GRIN2D: variants seen among roughly 807,000 people sequenced by gnomAD.
GRIN2D encodes the protein glutamate receptor ionotropic, NMDA 2D.
In GRIN2D, 37 loss-of-function variants were observed where a neutral mutation model predicts 103.2. The ratio of observed to expected loss-of-function variants is 0.36; its 90% CI spans 0.28 to 0.47. GRIN2D has a LOEUF of 0.47. Among genes scored for constraint, GRIN2D ranks in the 20% least tolerant of loss-of-function variants. GRIN2D has a pLI of 1.00. For synonymous variants in GRIN2D, 845 were observed against 885.6 expected, an observed-to-expected ratio of 0.95 and a Z score of 0.81; for missense variants, 1,557 against 1,910.6, an observed-to-expected ratio of 0.81 and a Z score of 3.45.
Position 48,444,266 on chromosome 19 carries a change from C to T in GRIN2D, c.*329C>T, listed in dbSNP as rs1246757539. On this transcript the variant is annotated 3_prime_UTR_variant, in exon 14 of 14. Coordinates refer to ENST00000263269, the MANE Select transcript of GRIN2D (RefSeq NM_000836.4). The surrounding 1 kb of genome is among the most constrained non-coding windows in gnomAD (Gnocchi z 5.5). ...GCCACTCCCGCGTCCCACCTCCACG[C>T]CCGGGGCCGTGGCCCCCACATCACT... 2.2e-5 allele frequency: 5 copies of T among 228,898 alleles called. No individual in the cohort carries two copies. In the East Asian group the frequency reaches 3.3e-4, roughly 15 times the overall value. 14.2% of individuals were successfully genotyped at this position (228,898 alleles called of 1,614,324 possible).
Position 48,442,975 on chromosome 19 carries a change from G to C in GRIN2D, c.3049G>C (p.Ala1017Pro). 1 of 1,121,382 alleles carries C rather than the reference G, an allele frequency of 8.9e-7. No individual in the cohort carries two copies. The highest frequency in any genetic ancestry group is 1.7e-5 in the African/African-American group (1 of 59,188). 69.5% of individuals were successfully genotyped at this position (1,121,382 alleles called of 1,614,324 possible). Residue 1017 changes from alanine to proline, a missense_variant, in exon 14 of 14, where the codon GCC becomes CCC. Ala to Pro is a conservative substitution (Grantham distance 27). Transcript: ENST00000263269. This position sits in a 1 kb window ranked among gnomAD's most constrained non-coding sequence, Gnocchi z 7.2. The part of the protein sequence containing the change: ...YFAIVRDKEP[A>P]EPPAGAFPGF... ...CGCCATCGTACGCGACAAGGAGCCA[G>C]CCGAGCCCCCCGCCGGCGCCTTCCC...
At chr19:48,419,450 G>A in intron 9 of GRIN2D, 91 bp downstream of exon 9, 2 of 1,469,326 alleles carry the variant, frequency 1.4e-6, no homozygotes, top group Non-Finnish European at 1.8e-6. Flanking sequence ...GAGGGGGGGC[G>A]GTCAAGCTAG....
At position 48,438,401 on chromosome 19, in the gene GRIN2D, C is replaced by A. The variant is rs994024495; in HGVS notation, c.2253-3368C>A. Among the ~76,000 whole-genome samples the A allele has an allele frequency of 2.9e-5, 4 of 140,192 alleles. No individual in the cohort carries two copies. In the East Asian group the frequency reaches 8.9e-4, roughly 31 times the overall value. 92.0% of individuals were successfully genotyped at this position (140,192 alleles called of 152,430 possible). ...GCAACCTCTGCCTCCCGAGTTCAAA[C>A]GATTCTCTTGCCTCAGCCTCCTGAG... is the stretch of plus-strand genomic sequence containing the variant. On this transcript the variant is annotated intron_variant, in intron 11 of 13. Coordinates refer to ENST00000263269, the MANE Select transcript of GRIN2D (RefSeq NM_000836.4).
chr19:48,442,971 G>A lies in GRIN2D; in HGVS notation c.3045G>A (p.Glu1015=), dbSNP rs1293530327. Residue 1015 remains glutamate (E), a synonymous_variant, in exon 14 of 14, where the codon GAG becomes GAA. Transcript: ENST00000263269. This position sits in a 1 kb window ranked among gnomAD's most constrained non-coding sequence, Gnocchi z 7.2. ...PSYFAIVRDK[E]PAEPPAGAFP... is the part of the protein sequence containing the mutation. Reference sequence around the variant, plus strand: ...ATTTCGCCATCGTACGCGACAAGGAGCCAGCCGAGCCCCCCGCCGGCGCCT... The same window carrying A: ...ATTTCGCCATCGTACGCGACAAGGAACCAGCCGAGCCCCCCGCCGGCGCCT... The A allele has an allele frequency of 2.7e-6, 3 of 1,127,780 alleles. No homozygotes were observed. The highest frequency in any genetic ancestry group is 1.7e-5 in the African/African-American group (1 of 59,028). 69.9% of individuals were successfully genotyped at this position (1,127,780 alleles called of 1,614,324 possible).
chr19:48,424,508 G>A (rs944766294), intron 11 of GRIN2D, among the ~76,000 whole-genome samples: 5 of 151,482 alleles, frequency 3.3e-5, no homozygotes, highest in South Asian at 4.2e-4. Context: ...CTGACCTCGT[G>A]ATCCACCCGC....
rs148087143 is a variant in GRIN2D at position 48,426,987 on chromosome 19, T to C, written c.2252+5042T>C. 1.8e-4 allele frequency among the ~76,000 whole-genome samples: 28 copies of C among 152,178 alleles called. 1 individual carries two copies. The East Asian group carries it at 3.9e-3, about 21-fold the overall frequency. ...TCCCATAGGTGGAACTACCCGGTCA[T>C]AGGGAGAGTATGCTTAGCTATAACA... On this transcript the variant is annotated intron_variant, in intron 11 of 13. Transcript: ENST00000263269.
intron 10 of GRIN2D, among the ~76,000 whole-genome samples, chr19:48,420,372 G>A (rs1263237657): frequency 6.6e-6 from 1 of 151,832 alleles, no homozygotes; most frequent in African/African-American, 2.4e-5. Context: ...AGCTTGCAGT[G>A]AGCCGAGATC....
Position 48,435,119 on chromosome 19 carries a change from T to C in GRIN2D, c.2253-6650T>C, listed in dbSNP as rs1233469010. Reference sequence around the variant, plus strand: ...GACTGAGTGGCTTACACAACAGAAATGTATCGCCCCACAGTTGTAGAGGCT... The same window carrying C: ...GACTGAGTGGCTTACACAACAGAAACGTATCGCCCCACAGTTGTAGAGGCT... On this transcript the variant is annotated intron_variant, in intron 11 of 13. Transcript: ENST00000263269. Among the ~76,000 whole-genome samples the C allele has an allele frequency of 2.0e-5, 3 of 151,872 alleles. 1 individual carries two copies. Among genetic ancestry groups the C allele is most frequent in the Non-Finnish European group, 4.4e-5 (3 of 67,984 alleles).
At position 48,417,934 on chromosome 19, in the gene GRIN2D, T is replaced by C. The variant is rs146046809; in HGVS notation, c.1736-1300T>C. Reference sequence around the variant, plus strand: ...CGAATGTGAGGAGGGGACACATGAATGGGAGGTTGTCTAATGGACAGGGCA... The same window carrying C: ...CGAATGTGAGGAGGGGACACATGAACGGGAGGTTGTCTAATGGACAGGGCA... On this transcript the variant is annotated intron_variant, in intron 8 of 13. Coordinates refer to ENST00000263269, the MANE Select transcript of GRIN2D (RefSeq NM_000836.4). Among the ~76,000 whole-genome samples the C allele has an allele frequency of 4.5e-3, 684 of 151,830 alleles. 8 individuals are homozygous for C. Among genetic ancestry groups the C allele is most frequent in the African/African-American group, 0.015 (634 of 41,380 alleles).
In GRIN2D at chr19:48,442,707, C is replaced by T. The variant is rs1971313769; in HGVS notation, c.2781C>T (p.Pro927=). ...CGTACCCCGCGCCGCGGCCGGCTCC[C>T]GGGCCCGCACCTTTCGTGCCCCGCG... ...SPAYPAPRPA[P]GPAPFVPRER... The change falls in exon 14 of 14, where the codon CCC becomes CCT. Residue 927 remains proline, a synonymous_variant. Coordinates refer to ENST00000263269, the MANE Select transcript of GRIN2D (RefSeq NM_000836.4). The surrounding 1 kb of genome is among the most constrained non-coding windows in gnomAD (Gnocchi z 7.2). 8.8e-7 allele frequency: 1 copy of T among 1,139,886 alleles called. No homozygotes were observed. The highest frequency in any genetic ancestry group is 1.1e-6 in the Non-Finnish European group (1 of 930,634). The allele number at this position is 1,139,886 out of a possible 1,614,324, so 70.6% of individuals were successfully genotyped here.
At chr19:48,407,372 C>T (rs1970805613) in intron 4 of GRIN2D, among the ~76,000 whole-genome samples, 1 of 152,108 alleles carries the variant, frequency 6.6e-6, no homozygotes, top group African/African-American at 2.4e-5. Flanking sequence ...TTGCCTCTCC[C>T]AGACGCTGTT....
Position 48,419,215 on chromosome 19 carries a change from C to T in GRIN2D, c.1736-19C>T, listed in dbSNP as rs1385947964. Reference sequence around the variant, plus strand: ...CTTTTGCTTGGCTGAGCCATAACCACGCACTCCCTTGTCCCCAGAGCCCTA... The same window carrying T: ...CTTTTGCTTGGCTGAGCCATAACCATGCACTCCCTTGTCCCCAGAGCCCTA... On this transcript the variant is annotated intron_variant, in intron 8 of 13. Coordinates refer to ENST00000263269, the MANE Select transcript of GRIN2D (RefSeq NM_000836.4). 1.3e-6 allele frequency: 2 copies of T among 1,596,544 alleles called. No homozygotes were observed. Among genetic ancestry groups the T allele is most frequent in the Non-Finnish European group, 1.7e-6 (2 of 1,175,142 alleles).
chr19:48,425,543 A>G (rs1971076777), intron 11 of GRIN2D, among the ~76,000 whole-genome samples: 1 of 152,164 alleles, frequency 6.6e-6, no homozygotes, highest in African/African-American at 2.4e-5. Flanking sequence ...TATCCAGCGG[A>G]TGGCACTTTC....
chr19:48,432,152 C>T (rs1201698061), intron 11 of GRIN2D, among the ~76,000 whole-genome samples: 1 of 151,570 alleles, frequency 6.6e-6, no homozygotes, highest in Non-Finnish European at 1.5e-5. Context: ...CCTTGTGATC[C>T]GCCTGCCTCA....
Position 48,443,886 on chromosome 19 carries a change from G to C in GRIN2D, c.3960G>C (p.Leu1320=). Residue 1320 remains leucine (L), a synonymous_variant, in exon 14 of 14, where the codon CTG becomes CTC. Transcript: ENST00000263269. This position sits in a 1 kb window ranked among gnomAD's most constrained non-coding sequence, Gnocchi z 8.9. ...ASHRRHRGGD[L]GTRRGSAHFS... is the part of the protein sequence containing the mutation. The stretch of plus-strand genomic sequence containing the variant: ...ACCGGAGACACCGGGGCGGGGACCT[G>C]GGCACCCGCAGGGGCTCGGCGCACT... 1 of 1,469,456 alleles carries C rather than the reference G, an allele frequency of 6.8e-7. No individual in the cohort carries two copies. 91.0% of individuals were successfully genotyped at this position (1,469,456 alleles called of 1,614,324 possible).
chr19:48,417,680 G>A (rs1002682339), intron 8 of GRIN2D, among the ~76,000 whole-genome samples: 1 of 152,298 alleles, frequency 6.6e-6, no homozygotes, highest in East Asian at 1.9e-4. Flanking sequence ...GCAGCACACT[G>A]CAGAGGAGTG....
At chr19:48,439,579 T>C (rs1971268442) in intron 11 of GRIN2D, among the ~76,000 whole-genome samples, 1 of 152,180 alleles carries the variant, frequency 6.6e-6, no homozygotes. Flanking sequence ...CCATAACAAA[T>C]GCATCCATGA....
At position 48,421,005 on chromosome 19, in the gene GRIN2D, C is replaced by T. The variant is rs1971015961; in HGVS notation, c.2092-780C>T. Among the ~76,000 whole-genome samples, 1 of 152,190 alleles carries T rather than the reference C, an allele frequency of 6.6e-6. No homozygotes were observed. The highest frequency in any genetic ancestry group is 6.6e-5 in the Admixed American group (1 of 15,264). ...CATACTTTGAGACTAAAGTGATTAA[C>T]TAGCTGGGTGTCATGACCTATTAGA... On this transcript the variant is annotated intron_variant, in intron 10 of 13. Transcript: ENST00000263269. This position sits in a 1 kb window ranked among gnomAD's most constrained non-coding sequence, Gnocchi z 4.8.
chr19:48,434,827 G>A (rs934981008), intron 11 of GRIN2D, among the ~76,000 whole-genome samples: 1 of 150,896 alleles, frequency 6.6e-6, no homozygotes, highest in Non-Finnish European at 1.5e-5. Flanking sequence ...GGAATCTGCT[G>A]GCCTCAGCCT....
Sources: allele counts gnomAD v4.1 joint callset (sites outside exome capture counted in the v4.1 genomes callset), GRCh38; gene constraint gnomAD v4.1.1; non-coding constraint Gnocchi (gnomAD v3.1); transcripts MANE v1.5; gene names NCBI Gene and HGNC (gene_info 2026-07-23, HGNC 2026-07-21).